ADAM29: variants seen among roughly 807,000 people sequenced by gnomAD.
ADAM29 encodes ADAM metallopeptidase domain 29.
For missense variants in ADAM29, 969 were observed against 1,001.8 expected, an observed-to-expected ratio of 0.97 and a Z score of 0.44; for synonymous variants, 367 against 342.3, an observed-to-expected ratio of 1.07 and a Z score of -0.80.
intron 4 of ADAM29, among the ~76,000 whole-genome samples, chr4:174,940,328 G>A (rs567660926): frequency 1.4e-4 from 22 of 152,222 alleles, no homozygotes; most frequent in African/African-American, 5.3e-4. Context: ...AGTTATTTAT[G>A]TAGATATAAC....
In ADAM29 at chr4:174,976,135, G is replaced by C. The variant is rs779143051; in HGVS notation, c.610G>C (p.Val204Leu). Residue 204 changes from valine (V) to leucine (L), a missense_variant, in exon 5 of 5, where the codon GTC (valine) becomes CTC (leucine). Transcript: ENST00000359240. ...WIHFRIVEIVVVIDNYLYIRY... is the reference protein window; with the variant it reads ...WIHFRIVEIVLVIDNYLYIRY... ...CCATTTTAGGATTGTTGAAATTGTAGTCGTCATTGATAATTATCTGTACAT... is the reference window on the plus strand; with the variant it reads ...CCATTTTAGGATTGTTGAAATTGTACTCGTCATTGATAATTATCTGTACAT... 2 of 1,613,458 alleles carry C rather than the reference G, an allele frequency of 1.2e-6. No individual in the cohort carries two copies. Among genetic ancestry groups the C allele is most frequent in the Non-Finnish European group, 1.7e-6 (2 of 1,179,920 alleles).
chr4:174,954,423 G>A (rs778228947), intron 4 of ADAM29, among the ~76,000 whole-genome samples: 7 of 152,080 alleles, frequency 4.6e-5, no homozygotes, highest in Non-Finnish European at 8.8e-5. Context: ...TTCTCGTTAA[G>A]GCTAAAATTC....
At chr4:174,965,051 G>A (rs1746068527) in intron 4 of ADAM29, among the ~76,000 whole-genome samples, 1 of 152,112 alleles carries the variant, frequency 6.6e-6, no homozygotes, top group South Asian at 2.1e-4. Flanking sequence ...TCATTTCACA[G>A]AGAAAAAGAG....
At chr4:174,932,485 G>C (rs1044569965) in intron 3 of ADAM29, among the ~76,000 whole-genome samples, 1 of 152,086 alleles carries the variant, frequency 6.6e-6, no homozygotes, top group Non-Finnish European at 1.5e-5. Flanking sequence ...GGCCTCACAA[G>C]CTCCCTCAGG....
chr4:174,961,925 A>G (rs773106809), intron 4 of ADAM29, among the ~76,000 whole-genome samples: 2 of 152,152 alleles, frequency 1.3e-5, no homozygotes, highest in Non-Finnish European at 2.9e-5. Context: ...ACCTTCTCCA[A>G]TTAAGAATTA....
At chr4:174,935,492 T>C (rs56774895) in intron 3 of ADAM29, among the ~76,000 whole-genome samples, 2,246 of 152,228 alleles carry the variant, frequency 0.015, 41 homozygotes, top group African/African-American at 0.051. Context: ...ACCCCATTCA[T>C]AGTGAACGTC....
intron 3 of ADAM29, among the ~76,000 whole-genome samples, chr4:174,934,151 A>G (rs1318995556): frequency 1.3e-5 from 2 of 152,120 alleles, no homozygotes; most frequent in African/African-American, 4.8e-5. Flanking sequence ...CTTTTTAATA[A>G]TAGCCATTCT....
intron 4 of ADAM29, among the ~76,000 whole-genome samples, chr4:174,942,667 G>A (rs546224050): frequency 5.9e-5 from 9 of 152,264 alleles, no homozygotes; most frequent in African/African-American, 2.2e-4. Context: ...TAGGCTTCCA[G>A]GACTGTGATG....
chr4:174,933,483 A>G (rs890298311), intron 3 of ADAM29, among the ~76,000 whole-genome samples: 1 of 152,202 alleles, frequency 6.6e-6, no homozygotes, highest in African/African-American at 2.4e-5. Context: ...TATTTAAAAA[A>G]AAAACTTTTA....
rs1746966468 is a variant in ADAM29, at chr4:174,977,823, CCAGAGTCAACCTCGGGTGATGCCTTCT to C, written c.2312_2338del (p.Arg771_Pro779del). 1 of 1,587,278 alleles carries C rather than the reference CCAGAGTCAACCTCGGGTGATGCCTTCT, an allele frequency of 6.3e-7. No individual in the cohort carries two copies. The highest frequency in any genetic ancestry group is 8.6e-7 in the Non-Finnish European group (1 of 1,162,832). ...AGAGTCAACCTCCTGTGACACCCTC[CCAGAGTCAACCTCGGGTGATGCCTTCT>C]CAGAGTCAACCTCCTGTGATGCCTT... On this transcript the variant is annotated inframe_deletion, in exon 5 of 5. Transcript: ENST00000359240.
intron 4 of ADAM29, among the ~76,000 whole-genome samples, chr4:174,947,216 CT>C (rs1744905830): frequency 1.3e-5 from 2 of 151,734 alleles, no homozygotes; most frequent in Non-Finnish European, 1.5e-5. Flanking sequence ...ATTTGTTGAT[CT>C]TTTTATGGTT....
rs111572480 is a variant in ADAM29 at position 174,939,405 on chromosome 4, G to A, written c.-181+2392G>A. On this transcript the variant is annotated intron_variant, in intron 4 of 4. Transcript: ENST00000359240. Reference sequence around the variant, plus strand: ...AGTCAAAGTTTTATTATTCTGGTTCGAATATTCTGAAAATAGGACAGAAAA... The same window carrying A: ...AGTCAAAGTTTTATTATTCTGGTTCAAATATTCTGAAAATAGGACAGAAAA... 1.7e-3 allele frequency among the ~76,000 whole-genome samples: 258 copies of A among 152,172 alleles called. 1 individual carries two copies. Among genetic ancestry groups the A allele is most frequent in the African/African-American group, 5.5e-3 (228 of 41,500 alleles).
At chr4:174,946,046 A>G (rs1379295411) in intron 4 of ADAM29, among the ~76,000 whole-genome samples, 1 of 152,106 alleles carries the variant, frequency 6.6e-6, no homozygotes, top group East Asian at 1.9e-4. Context: ...TGGTAGTTTG[A>G]TTGGAATAGC....
chr4:174,956,733 G>A (rs1368136307), intron 4 of ADAM29, among the ~76,000 whole-genome samples: 1 of 151,792 alleles, frequency 6.6e-6, no homozygotes, highest in Non-Finnish European at 1.5e-5. Flanking sequence ...TGTAAACACA[G>A]ATGGAAACCC....
chr4:174,945,092 C>T (rs1744762495), intron 4 of ADAM29, among the ~76,000 whole-genome samples: 1 of 152,020 alleles, frequency 6.6e-6, no homozygotes, highest in Non-Finnish European at 1.5e-5. Context: ...TTCCACAATG[C>T]CAGAATTAAT....
At chr4:174,929,925 TTTTG>T (rs1404837766) in intron 2 of ADAM29, among the ~76,000 whole-genome samples, 11 of 151,674 alleles carry the variant, frequency 7.3e-5, no homozygotes, top group Non-Finnish European at 1.6e-4. Context: ...CCTGGCTAAT[TTTTG>T]TTTGTTAGTT....
At chr4:174,922,782 G>T (rs1743239255) in intron 2 of ADAM29, among the ~76,000 whole-genome samples, 1 of 151,758 alleles carries the variant, frequency 6.6e-6, no homozygotes, top group South Asian at 2.1e-4. Context: ...ACATTCTTGT[G>T]ATAATCACAT....
At chr4:174,970,762 T>C (rs1486793775) in intron 4 of ADAM29, among the ~76,000 whole-genome samples, 1 of 152,174 alleles carries the variant, frequency 6.6e-6, no homozygotes, top group African/African-American at 2.4e-5. Context: ...GCCAAAACAT[T>C]CCATGAAAAT....
intron 2 of ADAM29, among the ~76,000 whole-genome samples, chr4:174,926,931 C>CA (rs1376947659): frequency 4.6e-5 from 7 of 151,862 alleles, no homozygotes; most frequent in Admixed American, 4.6e-4. Context: ...GTAAAATATA[C>CA]AAAAAACAAT....
Sources: allele counts gnomAD v4.1 joint callset (sites outside exome capture counted in the v4.1 genomes callset), GRCh38; gene constraint gnomAD v4.1.1; transcripts MANE v1.5; gene names NCBI Gene and HGNC (gene_info 2026-07-23, HGNC 2026-07-21).